The following FHIT variants were observed in gnomAD, a reference collection of about 807,000 sequenced individuals.
FHIT encodes the protein fragile histidine triad diadenosine triphosphatase, also known as bis(5'-adenosyl)-triphosphatase.
A neutral mutation model predicts 17.9 loss-of-function variants in FHIT; 19 were observed. The observed-to-expected ratio is 1.06, with a 90% confidence interval of 0.74 to 1.56. The LOEUF is 1.56. Ranked by LOEUF, FHIT falls within the 40% of genes most tolerant of loss-of-function variation. FHIT has a pLI of 0.00. For synonymous variants in FHIT, 81 were observed against 69.7 expected, an observed-to-expected ratio of 1.16 and a Z score of -0.81; for missense variants, 248 against 189.2, an observed-to-expected ratio of 1.31 and a Z score of -1.82.
intron 5 of FHIT, among the ~76,000 whole-genome samples, chr3:60,090,560 T>G (rs560605694): frequency 6.6e-6 from 1 of 152,280 alleles, no homozygotes; most frequent in African/African-American, 2.4e-5. Context: ...TGTGTTCTCT[T>G]TCTTCTTCTG....
At chr3:59,882,616 G>A (rs1281785585) in intron 8 of FHIT, among the ~76,000 whole-genome samples, 1 of 152,168 alleles carries the variant, frequency 6.6e-6, no homozygotes, top group East Asian at 1.9e-4. Context: ...AAGGAAAGTA[G>A]GTGGAGGTAC....
At chr3:60,976,102 T>TTTTC (rs1710232286) in intron 3 of FHIT, among the ~76,000 whole-genome samples, 14 of 103,498 alleles carry the variant, frequency 1.4e-4, no homozygotes, top group Admixed American at 1.3e-3. Flanking sequence ...TTTTCTTTTT[T>TTTTC]TTTTTTTTTT....
chr3:60,054,578 A>G (rs184001721), intron 5 of FHIT, among the ~76,000 whole-genome samples: 271 of 152,330 alleles, frequency 1.8e-3, no homozygotes, highest in Middle Eastern at 3.4e-3. Flanking sequence ...TCAGCCTCTT[A>G]ACAGCAGCGC....
chr3:60,170,592 A>AT, intron 5 of FHIT, among the ~76,000 whole-genome samples: 1 of 152,226 alleles, frequency 6.6e-6, no homozygotes, highest in African/African-American at 2.4e-5. Context: ...TTGTTCAATA[A>AT]TTTTTTTAAT....
intron 4 of FHIT, among the ~76,000 whole-genome samples, chr3:60,756,192 A>G (rs547496382): frequency 6.6e-6 from 1 of 152,372 alleles, no homozygotes; most frequent in Middle Eastern, 3.4e-3. Flanking sequence ...CTCTGTAGAG[A>G]GAGCACCTTG....
intron 4 of FHIT, among the ~76,000 whole-genome samples, chr3:60,763,500 G>T (rs115733010): frequency 0.011 from 1,749 of 152,258 alleles, 11 homozygotes; most frequent in Middle Eastern, 0.02. Flanking sequence ...CCCTGTGAAG[G>T]TAGGTACTAT....
chr3:60,107,620 A>C (rs973843217), intron 5 of FHIT, among the ~76,000 whole-genome samples: 1 of 152,148 alleles, frequency 6.6e-6, no homozygotes, highest in African/African-American at 2.4e-5. Context: ...ATATATATAC[A>C]TAAGTTTGTT....
rs145617980 is a variant in FHIT, at chr3:60,070,302, C to T, written c.104-56150G>A. ...GTGGACCATGTCTGTCTCTACATCA[C>T]CATCATTGAAGCCACGGCTTCTGAC... On this transcript the variant is annotated intron_variant, in intron 5 of 9. Transcript: ENST00000492590. Among the ~76,000 whole-genome samples the T allele has an allele frequency of 9.0e-3, 1,368 of 152,300 alleles. 6 individuals are homozygous for T. Among genetic ancestry groups the T allele is most frequent in the Non-Finnish European group, 0.015 (1,028 of 68,016 alleles).
intron 8 of FHIT, among the ~76,000 whole-genome samples, chr3:59,809,351 A>T (rs867238164): frequency 6.6e-6 from 1 of 152,344 alleles, no homozygotes; most frequent in Middle Eastern, 3.4e-3. Flanking sequence ...AGAAGGCCAA[A>T]GATTGCGGAA....
intron 4 of FHIT, among the ~76,000 whole-genome samples, chr3:60,744,268 C>CAAAAAAAAAAAAAACAAAAAAAAA (rs2042305418): frequency 5.0e-5 from 4 of 80,086 alleles, no homozygotes; most frequent in Admixed American, 1.4e-4. Flanking sequence ...CAAAACAAAA[C>CAAAAAAAAAAAAAACAAAAAAAAA]AAAAAAAAAA....
At chr3:59,872,662 A>T (rs1702976128) in intron 8 of FHIT, among the ~76,000 whole-genome samples, 1 of 152,194 alleles carries the variant, frequency 6.6e-6, no homozygotes, top group Non-Finnish European at 1.5e-5. Context: ...AGAGTTATGG[A>T]TGTTTCTCAA....
At chr3:60,533,975 G>A (rs1201179632) in intron 5 of FHIT, among the ~76,000 whole-genome samples, 1 of 152,116 alleles carries the variant, frequency 6.6e-6, no homozygotes, top group Admixed American at 6.5e-5. Flanking sequence ...CTAGACTAGG[G>A]CAGGCAGGAG....
intron 5 of FHIT, among the ~76,000 whole-genome samples, chr3:60,017,586 A>G (rs1042927802): frequency 2.0e-5 from 3 of 152,232 alleles, no homozygotes. Flanking sequence ...GGACCTTCTC[A>G]CAACACATGA....
chr3:60,493,859 C>T (rs757168299), intron 5 of FHIT, among the ~76,000 whole-genome samples: 3 of 152,146 alleles, frequency 2.0e-5, no homozygotes, highest in Non-Finnish European at 2.9e-5. Flanking sequence ...TTGAATGGAA[C>T]ATAAAATTCA....
At chr3:60,323,191 A>T (rs950836461) in intron 5 of FHIT, among the ~76,000 whole-genome samples, 2 of 152,118 alleles carry the variant, frequency 1.3e-5, no homozygotes, top group African/African-American at 4.8e-5. Context: ...CCTCAAGGGG[A>T]CGCAGGGCTC....
intron 2 of FHIT, among the ~76,000 whole-genome samples, chr3:61,174,756 A>T (rs2038107459): frequency 1.3e-5 from 2 of 152,238 alleles, no homozygotes; most frequent in Admixed American, 6.5e-5. Context: ...GATATTTCAA[A>T]TGCCTTGAAA....
At chr3:60,560,368 G>C (rs184639577) in intron 4 of FHIT, among the ~76,000 whole-genome samples, 3 of 151,896 alleles carry the variant, frequency 2.0e-5, no homozygotes, top group Non-Finnish European at 4.4e-5. Flanking sequence ...CTGGGAATAC[G>C]GTCAGAGATT....
intron 5 of FHIT, among the ~76,000 whole-genome samples, chr3:60,495,751 A>T (rs1056470807): frequency 6.6e-6 from 1 of 152,160 alleles, no homozygotes; most frequent in African/African-American, 2.4e-5. Context: ...TGAAAGAGTC[A>T]AGGTAAAGAA....
chr3:60,307,034 T>C (rs1708702443), intron 5 of FHIT, among the ~76,000 whole-genome samples: 1 of 152,116 alleles, frequency 6.6e-6, no homozygotes, highest in Non-Finnish European at 1.5e-5. Context: ...GACTTCCACA[T>C]TAAGAAACCA....
Sources: allele counts gnomAD v4.1 joint callset (sites outside exome capture counted in the v4.1 genomes callset), GRCh38; gene constraint gnomAD v4.1.1; transcripts MANE v1.5; gene names NCBI Gene and HGNC (gene_info 2026-07-23, HGNC 2026-07-21).